The following SMC1B variants were observed in gnomAD, a reference collection of about 807,000 sequenced individuals.
SMC1B encodes structural maintenance of chromosomes protein 1B.
SMC1B carries 60 observed loss-of-function variants against 157.9 expected under a neutral mutation model. The observed-to-expected ratio is 0.38, with a 90% CI of 0.31 to 0.47. The LOEUF is 0.47. Ranked by LOEUF, SMC1B falls within the 20% of genes least tolerant of loss-of-function variation. The probability of loss-of-function intolerance (pLI) is 0.99; values close to 1 mark genes in which losing one functional copy is unlikely to be tolerated. For missense variants in SMC1B, 1,165 were observed against 1,426.2 expected, an observed-to-expected ratio of 0.82 and a Z score of 2.95; for synonymous variants, 445 against 483.0, an observed-to-expected ratio of 0.92 and a Z score of 1.03.
chr22:45,410,647 G>C (rs995043672), intron 1 of SMC1B, among the ~76,000 whole-genome samples: 16 of 152,172 alleles, frequency 1.1e-4, no homozygotes, highest in Admixed American at 7.9e-4. Flanking sequence ...AGGTTGCAGT[G>C]AGCTGATATT....
intron 8 of SMC1B, 55 bp from the exon 9 acceptor site, chr22:45,393,896 AC>A (rs1475787731): frequency 8.0e-7 from 1 of 1,247,828 alleles, no homozygotes; most frequent in Non-Finnish European, 1.1e-6. Context: ...TTTAGGAATT[AC>A]CAGGTACAAC....
chr22:45,396,657 C>T (rs922037741), intron 6 of SMC1B, among the ~76,000 whole-genome samples, 171 bp from the exon 7 acceptor site: 7 of 151,862 alleles, frequency 4.6e-5, no homozygotes, highest in African/African-American at 1.7e-4. Context: ...AGCATGAAAG[C>T]TTCCTTTAAA....
chr22:45,362,359 TTC>T (rs1313155126), intron 16 of SMC1B, among the ~76,000 whole-genome samples: 4 of 152,222 alleles, frequency 2.6e-5, no homozygotes, highest in African/African-American at 7.2e-5. Context: ...ACTCTGGGGC[TTC>T]TGTGATACCA....
At chr22:45,378,810 T>A (rs1602071154) in intron 12 of SMC1B, among the ~76,000 whole-genome samples, 1 of 152,326 alleles carries the variant, frequency 6.6e-6, no homozygotes, top group East Asian at 1.9e-4. Context: ...ATCTTTGTCT[T>A]ATGTTACATA....
chr22:45,356,295 G>A (rs945644877), intron 19 of SMC1B, among the ~76,000 whole-genome samples: 4 of 152,162 alleles, frequency 2.6e-5, no homozygotes, highest in Non-Finnish European at 4.4e-5. Flanking sequence ...TCCCTCTACA[G>A]TGATTGGTTC....
chr22:45,353,987 G>A lies in SMC1B; in HGVS notation c.3264C>T (p.Asn1088=). 1.3e-6 allele frequency: 2 copies of A among 1,559,118 alleles called. No individual in the cohort carries two copies. The highest frequency in any genetic ancestry group is 2.4e-5 in the East Asian group (1 of 41,494). The part of the protein sequence containing the change: ...DQIYKKLCRN[N]SAQAFLSPEN... ...GATGAAAGATACATACTTGGGCGCT[G>A]TTGTTTCTGCAGAGCTTCTTGTAGA... The change falls in exon 21 of 25, where the codon AAC becomes AAT. Residue 1088 remains asparagine (N), a synonymous_variant. Transcript: ENST00000357450.
In SMC1B at chr22:45,413,576, C is replaced by T. The variant is rs1056090342; in HGVS notation, c.-9G>A. ...AGCTCCAGGTGGGCCATGGCGCCGC[C>T]CTCCACGCCTCACCCGCGTTATCAA... On this transcript the variant is annotated 5_prime_UTR_variant, in exon 1 of 25. Coordinates refer to ENST00000357450, the MANE Select transcript of SMC1B (RefSeq NM_148674.5). The T allele has an allele frequency of 3.1e-6, 5 of 1,592,270 alleles. No homozygotes were observed. Among genetic ancestry groups the T allele is most frequent in the Non-Finnish European group, 3.4e-6 (4 of 1,169,200 alleles).
chr22:45,361,076 C>T (rs113378648), intron 17 of SMC1B, among the ~76,000 whole-genome samples: 4 of 151,720 alleles, frequency 2.6e-5, no homozygotes, highest in Non-Finnish European at 4.4e-5. Flanking sequence ...ATACTTACAA[C>T]GATTCTGTGA....
intron 23 of SMC1B, among the ~76,000 whole-genome samples, chr22:45,348,092 A>T (rs143376613): frequency 1.3e-5 from 2 of 152,206 alleles, no homozygotes; most frequent in Non-Finnish European, 2.9e-5. Flanking sequence ...TTGGGCTGAG[A>T]GCCCAGCTCT....
At position 45,388,006 on chromosome 22, in the gene SMC1B, T is replaced by C. The variant is rs569437936; in HGVS notation, c.1732-960A>G. 2.0e-5 allele frequency among the ~76,000 whole-genome samples: 3 copies of C among 149,956 alleles called. No homozygotes were observed. The East Asian group carries it at 5.9e-4, about 29-fold the overall frequency. The stretch of plus-strand genomic sequence containing the variant: ...GAGATCACGCCATTGCACTCCAGCC[T>C]GGGTAACAAGGGTGAGCCTCTGTCA... On this transcript the variant is annotated intron_variant, in intron 10 of 24. Transcript: ENST00000357450.
intron 23 of SMC1B, among the ~76,000 whole-genome samples, chr22:45,347,238 C>T: frequency 6.6e-6 from 1 of 152,186 alleles, no homozygotes; most frequent in Non-Finnish European, 1.5e-5. Flanking sequence ...TCCTCCCCAG[C>T]TACCATGTCC....
rs979487007 is a variant in SMC1B at position 45,377,454 on chromosome 22, T to C, written c.2059-5162A>G. ...GAGTTCCAGACCAGCCTGGCCAGCATGGTGAAACCCCGTCTCTACTAAAAA... is the reference window on the plus strand; with the variant it reads ...GAGTTCCAGACCAGCCTGGCCAGCACGGTGAAACCCCGTCTCTACTAAAAA... On this transcript the variant is annotated intron_variant, in intron 12 of 24. Coordinates refer to ENST00000357450, the MANE Select transcript of SMC1B (RefSeq NM_148674.5). 7.9e-5 allele frequency among the ~76,000 whole-genome samples: 12 copies of C among 151,802 alleles called. No homozygotes were observed. The East Asian group carries it at 2.4e-3, about 30-fold the overall frequency.
At chr22:45,361,797 A>C in intron 17 of SMC1B, 42 bp downstream of exon 17, 2 of 1,586,688 alleles carry the variant, frequency 1.3e-6, no homozygotes, top group South Asian at 2.3e-5. Context: ...TCCATGTTTA[A>C]AACTCTGACT....
chr22:45,348,858 T>A (rs2086579049), intron 23 of SMC1B, among the ~76,000 whole-genome samples: 1 of 150,952 alleles, frequency 6.6e-6, no homozygotes, highest in Non-Finnish European at 1.5e-5. Flanking sequence ...GCCACCATGC[T>A]CAGATAATTA....
chr22:45,391,042 T>C (rs1305815924), intron 9 of SMC1B, among the ~76,000 whole-genome samples: 2 of 151,746 alleles, frequency 1.3e-5, no homozygotes, highest in Admixed American at 6.6e-5. Flanking sequence ...GATTTTCAGC[T>C]GTGTAATCCA....
chr22:45,402,354 T>G lies in SMC1B; in HGVS notation c.833A>C (p.Gln278Pro). 1.9e-6 allele frequency: 3 copies of G among 1,611,648 alleles called. No individual in the cohort carries two copies. In the South Asian group the frequency reaches 3.3e-5, roughly 18 times the overall value. Reference protein sequence around the residue: ...KEHGMLTRQLQQTEKELKSVE... With the variant: ...KEHGMLTRQLPQTEKELKSVE... ...TCACTTTAATTCTTTTTCTGTTTGT[T>G]GTAGTTGTCTAGTTAGCATTCCATG... Residue 278 changes from glutamine to proline, a missense_variant, in exon 5 of 25, where the codon CAA becomes CCA. Physicochemically the swap from Gln to Pro is moderately conservative, Grantham distance 76. Coordinates refer to ENST00000357450, the MANE Select transcript of SMC1B (RefSeq NM_148674.5).
Position 45,344,625 on chromosome 22 carries a change from G to A in SMC1B, c.3639C>T (p.Thr1213=), listed in dbSNP as rs573387945. 2.8e-5 allele frequency: 45 copies of A among 1,614,048 alleles called. No individual in the cohort carries two copies. Among genetic ancestry groups the A allele is most frequent in the Non-Finnish European group, 8.5e-7 (1 of 1,179,960 alleles). ...YDDCMFSRVL[T]LDLSQYPDTE... ...TGTCTGGATACTGAGAAAGATCTAG[G>A]GTCAAAACTCGGCTGAACATGCAGT... The change falls in exon 25 of 25, where the codon ACC becomes ACT. Residue 1213 remains threonine, a synonymous_variant. Transcript: ENST00000357450.
In SMC1B at chr22:45,393,080, G is replaced by A. The variant is rs559560276; in HGVS notation, c.1545+554C>T. On this transcript the variant is annotated intron_variant, in intron 9 of 24. Coordinates refer to ENST00000357450, the MANE Select transcript of SMC1B (RefSeq NM_148674.5). The stretch of plus-strand genomic sequence containing the variant: ...CATATCATAAAATAAGGACTGCACA[G>A]TATACACTGATGTTAGGGACAAGAG... Among the ~76,000 whole-genome samples, 5 of 152,234 alleles carry A rather than the reference G, an allele frequency of 3.3e-5. No individual in the cohort carries two copies. In the South Asian group the frequency reaches 8.3e-4, roughly 25 times the overall value.
rs546233974 is a variant in SMC1B at position 45,387,162 on chromosome 22, T to C, written c.1732-116A>G. On this transcript the variant is annotated intron_variant, in intron 10 of 24. Transcript: ENST00000357450. ...ATGGCAGCAAAAGATCAACAGTATG[T>C]ACCCAGCCAGGCGTGATGCTCACGC... 96 of 913,392 alleles carry C rather than the reference T, an allele frequency of 1.1e-4. 2 individuals carry two copies. The South Asian group carries it at 1.6e-3, about 15-fold the overall frequency. 56.6% of individuals were successfully genotyped at this position (913,392 alleles called of 1,614,324 possible).
Sources: allele counts gnomAD v4.1 joint callset (sites outside exome capture counted in the v4.1 genomes callset), GRCh38; gene constraint gnomAD v4.1.1; transcripts MANE v1.5; gene names NCBI Gene and HGNC (gene_info 2026-07-23, HGNC 2026-07-21).